Variants in PNPT1 observed in about 807,000 individuals in gnomAD.
The protein encoded by PNPT1 is polyribonucleotide nucleotidyltransferase 1.
PNPT1 carries 53 observed loss-of-function variants against 119.5 expected under a neutral mutation model. The ratio of observed to expected loss-of-function variants is 0.44; its 90% CI spans 0.36 to 0.56. The LOEUF (loss-of-function observed/expected upper bound fraction) is 0.56. Among genes scored for constraint, PNPT1 ranks in the 20% least tolerant of loss-of-function variants. The pLI, the probability that PNPT1 is intolerant of heterozygous loss-of-function variation, is 0.00. For missense variants in PNPT1, 948 were observed against 938.5 expected, an observed-to-expected ratio of 1.01 and a Z score of -0.13; for synonymous variants, 357 against 322.1, an observed-to-expected ratio of 1.11 and a Z score of -1.16.
At chr2:55,643,520 G>A (rs902041814) in intron 23 of PNPT1, 95 bp from the exon 24 acceptor site, 50 of 1,072,192 alleles carry the variant, frequency 4.7e-5, no homozygotes, top group South Asian at 4.4e-4. Flanking sequence ...TGAGGTGGGA[G>A]GATCACTTGA....
chr2:55,663,563 A>G (rs1696646197), intron 13 of PNPT1, among the ~76,000 whole-genome samples: 1 of 152,226 alleles, frequency 6.6e-6, no homozygotes, highest in African/African-American at 2.4e-5. Flanking sequence ...CACACCTTTC[A>G]ATCATAATGC....
chr2:55,638,722 T>C (rs148614790), intron 26 of PNPT1, among the ~76,000 whole-genome samples: 3 of 152,122 alleles, frequency 2.0e-5, no homozygotes, highest in Non-Finnish European at 4.4e-5. Flanking sequence ...ACTTAGTGTA[T>C]GTGTACGGCA....
intron 6 of PNPT1, 28 bp downstream of exon 6, chr2:55,680,827 T>C (rs749581374): frequency 6.2e-7 from 1 of 1,611,798 alleles, no homozygotes; most frequent in Non-Finnish European, 8.5e-7. Flanking sequence ...TTTAATCTGA[T>C]AATTTTAATC....
intron 13 of PNPT1, among the ~76,000 whole-genome samples, chr2:55,664,479 TTATGGA>T: frequency 6.6e-6 from 1 of 152,102 alleles, no homozygotes; most frequent in East Asian, 1.9e-4. Context: ...TTGTGAGAAG[TTATGGA>T]TGTATACTGT....
chr2:55,649,290 A>G (rs1367372723), intron 18 of PNPT1, among the ~76,000 whole-genome samples: 1 of 152,178 alleles, frequency 6.6e-6, no homozygotes, highest in African/African-American at 2.4e-5. Context: ...AATAATAATG[A>G]TGATGATGAA....
intron 13 of PNPT1, among the ~76,000 whole-genome samples, chr2:55,662,929 G>T (rs1203565719): frequency 6.7e-6 from 1 of 150,308 alleles, no homozygotes; most frequent in African/African-American, 2.5e-5. Context: ...CACCCAGGCT[G>T]GAGTACAGTG....
At chr2:55,693,140 C>A (rs916625848) in intron 1 of PNPT1, among the ~76,000 whole-genome samples, 4 of 152,186 alleles carry the variant, frequency 2.6e-5, no homozygotes, top group Non-Finnish European at 5.9e-5. Flanking sequence ...GTGAACTGGA[C>A]CTGGTGTTCA....
At chr2:55,685,833 C>T (rs905003363) in intron 3 of PNPT1, among the ~76,000 whole-genome samples, 11 of 152,146 alleles carry the variant, frequency 7.2e-5, no homozygotes, top group Non-Finnish European at 1.2e-4. Flanking sequence ...TTATAACTTA[C>T]GTATATCCTC....
intron 4 of PNPT1, 147 bp downstream of exon 4, chr2:55,684,796 G>A: frequency 9.1e-7 from 1 of 1,100,006 alleles, no homozygotes; most frequent in Non-Finnish European, 1.2e-6. Flanking sequence ...CCACATTTGA[G>A]TGAGGGAAGA....
At chr2:55,647,505 C>A in intron 18 of PNPT1, 52 bp from the exon 19 acceptor site, 24 of 1,311,152 alleles carry the variant, frequency 1.8e-5, no homozygotes, top group Admixed American at 4.4e-5. Context: ...GAGCCTAAAA[C>A]AAATATTTAT....
intron 13 of PNPT1, among the ~76,000 whole-genome samples, chr2:55,662,362 TACA>T (rs1243511115): frequency 7.2e-5 from 11 of 152,026 alleles, no homozygotes; most frequent in African/African-American, 2.7e-4. Flanking sequence ...GTTCAGCCAA[TACA>T]ACTGCCTGCT....
chr2:55,643,003 A>C (rs572911787), intron 25 of PNPT1, among the ~76,000 whole-genome samples, 155 bp downstream of exon 25: 1 of 152,126 alleles, frequency 6.6e-6, no homozygotes, highest in Admixed American at 6.5e-5. Flanking sequence ...TTGTAGTCCT[A>C]AATAGGAGGC....
In PNPT1 at chr2:55,666,983, T is replaced by G. The variant is rs1335284222; in HGVS notation, c.1176+8A>C. 1 of 1,531,584 alleles carries G rather than the reference T, an allele frequency of 6.5e-7. No individual in the cohort carries two copies. Among genetic ancestry groups the G allele is most frequent in the Non-Finnish European group, 8.8e-7 (1 of 1,134,958 alleles). 94.9% of individuals were successfully genotyped at this position (1,531,584 alleles called of 1,614,324 possible). A position where few individuals can be genotyped will look rare whatever the true frequency, so the allele number is the denominator to read the frequency against. ...TAGCAAATAATTAGAGCTTTTTATATAAATTACCTGTGTTTGTCCTCTTTG... is the reference window on the plus strand; with the variant it reads ...TAGCAAATAATTAGAGCTTTTTATAGAAATTACCTGTGTTTGTCCTCTTTG... On this transcript the variant is annotated splice_region_variant and intron_variant, in intron 13 of 27. Coordinates refer to ENST00000447944, the MANE Select transcript of PNPT1 (RefSeq NM_033109.5).
intron 5 of PNPT1, among the ~76,000 whole-genome samples, chr2:55,681,828 G>A: frequency 8.4e-6 from 1 of 119,636 alleles, no homozygotes; most frequent in East Asian, 2.4e-4. Context: ...TGGGCAACAA[G>A]AGTGAAACTC....
At position 55,644,827 on chromosome 2, in the gene PNPT1, A is replaced by G. The variant is rs1016933522; in HGVS notation, c.1823-107T>C. 12 of 579,852 alleles carry G rather than the reference A, an allele frequency of 2.1e-5. No individual in the cohort carries two copies. In the Middle Eastern group the frequency reaches 8.6e-4, roughly 41 times the overall value. 35.9% of individuals were successfully genotyped at this position (579,852 alleles called of 1,614,324 possible). A position where few individuals can be genotyped will look rare whatever the true frequency, so the allele number is the denominator to read the frequency against. On this transcript the variant is annotated intron_variant, in intron 22 of 27. Transcript: ENST00000447944. ...TTTTTTTTTTGACCTAGACACATGT[A>G]AAAATATTTTACTATAAAACAGAAA...
chr2:55,651,851 G>A (rs1265740479), intron 18 of PNPT1, among the ~76,000 whole-genome samples: 5 of 65,576 alleles, frequency 7.6e-5, no homozygotes, highest in Admixed American at 1.8e-4. Context: ...AAACAACTAG[G>A]AAATAAAGAG....
intron 8 of PNPT1, among the ~76,000 whole-genome samples, chr2:55,676,129 G>A (rs1276338804): frequency 6.6e-6 from 1 of 151,762 alleles, no homozygotes; most frequent in East Asian, 1.9e-4. Context: ...GTGTGGTGGT[G>A]CACGCCTGTA....
chr2:55,685,763 T>C (rs1283436954), intron 3 of PNPT1, among the ~76,000 whole-genome samples: 1 of 152,222 alleles, frequency 6.6e-6, no homozygotes. Context: ...CTAGGACCTC[T>C]TGCAGATATC....
chr2:55,651,899 A>C (rs1017992804), intron 18 of PNPT1, among the ~76,000 whole-genome samples: 16 of 151,294 alleles, frequency 1.1e-4, no homozygotes, highest in African/African-American at 2.2e-4. Flanking sequence ...AAAAAAAAAA[A>C]AAAAACAATA....
Sources: allele counts gnomAD v4.1 joint callset (sites outside exome capture counted in the v4.1 genomes callset), GRCh38; gene constraint gnomAD v4.1.1; transcripts MANE v1.5; gene names NCBI Gene and HGNC (gene_info 2026-07-23, HGNC 2026-07-21).